Variants in CEP295NL observed in about 807,000 individuals in gnomAD.
CEP295NL encodes the protein protein DDC8 homolog.
In CEP295NL, 3 loss-of-function variants were observed where a neutral mutation model predicts 4.6. The ratio of observed to expected loss-of-function variants is 0.65; its 90% CI spans 0.30 to 1.69. The LOEUF is 1.69. Among genes scored for constraint, CEP295NL ranks in the 40% most tolerant of loss-of-function variants. The pLI, the probability that CEP295NL is intolerant of heterozygous loss-of-function variation, is 0.10. For missense variants in CEP295NL, 719 were observed against 769.0 expected (o/e 0.93, Z 0.77); for synonymous variants, 295 against 312.2 (o/e 0.94, Z 0.58).
chr17:78,895,231 A>G (rs1290214696), intron 2 of CEP295NL, among the ~76,000 whole-genome samples: 1 of 152,222 alleles, frequency 6.6e-6, no homozygotes, highest in Non-Finnish European at 1.5e-5. Context: ...CAATGAGCTG[A>G]GATTGCACCA....
intron 2 of CEP295NL, chr17:78,900,956 A>G (rs4789866): frequency 0.95 from 145,466 of 152,380 alleles, 69,447 homozygotes; most frequent in South Asian, 0.97. Context: ...CAGCCCAGCC[A>G]GCCCGACCTC....
rs182013235 is a variant in CEP295NL, at chr17:78,893,037, G to A, written c.45-578C>T. Among the ~76,000 whole-genome samples the A allele has an allele frequency of 7.6e-4, 116 of 152,326 alleles. No individual in the cohort carries two copies. The East Asian group carries it at 9.8e-3, about 13-fold the overall frequency. On this transcript the variant is annotated intron_variant, in intron 2 of 2. Transcript: ENST00000322630. ...AAGGAAAGGAGGAAGAGACGGGGCA[G>A]GGAGGAGCCTGCCAAGCATGTGTGT... is the stretch of plus-strand genomic sequence containing the variant.
chr17:78,894,197 C>A (rs548555310), intron 2 of CEP295NL, among the ~76,000 whole-genome samples: 13 of 151,886 alleles, frequency 8.6e-5, no homozygotes, highest in African/African-American at 1.9e-4. Flanking sequence ...GCTCCTACCC[C>A]CCCCGGTTCA....
intron 2 of CEP295NL, among the ~76,000 whole-genome samples, chr17:78,893,170 C>T (rs2069931665): frequency 8.2e-6 from 1 of 122,244 alleles, no homozygotes; most frequent in Non-Finnish European, 1.7e-5. Flanking sequence ...GGTGTGTGTG[C>T]ATACATGTGT....
chr17:78,902,484 GC>G (rs1403136171), intron 1 of CEP295NL, among the ~76,000 whole-genome samples: 1 of 152,168 alleles, frequency 6.6e-6, no homozygotes, highest in Non-Finnish European at 1.5e-5. Context: ...TCCTGGCTAG[GC>G]CCACAGCAGG....
rs1014355502 is a variant in CEP295NL, at chr17:78,896,433, A to G, written c.45-3974T>C. Among the ~76,000 whole-genome samples, 1 of 152,156 alleles carries G rather than the reference A, an allele frequency of 6.6e-6. No homozygotes were observed. Among genetic ancestry groups the G allele is most frequent in the Non-Finnish European group, 1.5e-5 (1 of 68,014 alleles). ...GGTGCCCTTGGCAGGACACTTGCCA[A>G]TGAAGACAGCCATGGTTCCAATCAG... is the stretch of plus-strand genomic sequence containing the variant. On this transcript the variant is annotated intron_variant, in intron 2 of 2. Coordinates refer to ENST00000322630, the MANE Select transcript of CEP295NL (RefSeq NM_001243540.2). This position sits in a 1 kb window ranked among gnomAD's most constrained non-coding sequence, Gnocchi z 4.4.
intron 2 of CEP295NL, chr17:78,898,612 C>T (rs1203507999): frequency 6.6e-6 from 1 of 152,268 alleles, no homozygotes; most frequent in African/African-American, 2.4e-5. Context: ...TCTTTCTGCT[C>T]AAGTACTTGA....
chr17:78,895,138 G>T (rs542430847), intron 2 of CEP295NL, among the ~76,000 whole-genome samples: 2 of 152,034 alleles, frequency 1.3e-5, no homozygotes, highest in African/African-American at 4.8e-5. Context: ...AAAATTAGCC[G>T]GGTGTGGTGG....
chr17:78,894,469 G>A (rs577146793), intron 2 of CEP295NL, among the ~76,000 whole-genome samples: 93 of 152,284 alleles, frequency 6.1e-4, no homozygotes, highest in African/African-American at 2.0e-3. Flanking sequence ...GATCAAGAGA[G>A]AAAGGGAGAG....
At chr17:78,893,648 C>T (rs1345445492) in intron 2 of CEP295NL, among the ~76,000 whole-genome samples, 1 of 151,650 alleles carries the variant, frequency 6.6e-6, no homozygotes, top group Non-Finnish European at 1.5e-5. Context: ...TGTATGTGTC[C>T]GTGTGGGGCA....
At chr17:78,897,070 G>T in intron 2 of CEP295NL, 1 of 890,654 alleles carries the variant, frequency 1.1e-6, no homozygotes, top group Non-Finnish European at 1.3e-6. Context: ...CAGGCAGCGT[G>T]GAAGTGCCAG....
At chr17:78,893,694 TG>T (rs1172560210) in intron 2 of CEP295NL, among the ~76,000 whole-genome samples, 1 of 152,026 alleles carries the variant, frequency 6.6e-6, no homozygotes, top group Non-Finnish European at 1.5e-5. Flanking sequence ...GTCTGATACT[TG>T]AATCCAGTAG....
At chr17:78,899,822 G>C (rs954316012) in intron 2 of CEP295NL, 1 of 152,202 alleles carries the variant, frequency 6.6e-6, no homozygotes, top group African/African-American at 2.4e-5. Flanking sequence ...AACCCTCCAA[G>C]GGAACAAAGA....
chr17:78,890,937 T>C lies in CEP295NL; in HGVS notation c.1567A>G (p.Met523Val). The C allele has an allele frequency of 1.3e-6, 2 of 1,551,030 alleles. No homozygotes were observed. The change falls in exon 3 of 3, where the codon ATG becomes GTG. Residue 523 changes from methionine (M) to valine (V), a missense_variant. Physicochemically the swap from Met to Val is conservative, Grantham distance 21. Transcript: ENST00000322630. The stretch of plus-strand genomic sequence containing the variant: ...TCCAAGCTCATATCTGGGTGTTCCA[T>C]TTGTTCAAGCGATTCCAGTTGTTTT... ...RQKQLESLEQMEHPDMSLEIH... is the reference protein window; with the variant it reads ...RQKQLESLEQVEHPDMSLEIH...
rs1370015098 is a variant in CEP295NL, at chr17:78,901,836, A to C, written c.-8T>G. On this transcript the variant is annotated 5_prime_UTR_variant, in exon 2 of 3. Transcript: ENST00000322630. The stretch of plus-strand genomic sequence containing the variant: ...AGACCACCCAGAACACATTACAGGG[A>C]GGCAGAAGCTGACAGGAGGGCAGGA... 1 of 709,492 alleles carries C rather than the reference A, an allele frequency of 1.4e-6. No homozygotes were observed. The highest frequency in any genetic ancestry group is 2.6e-6 in the Non-Finnish European group (1 of 380,300). The allele number at this position is 709,492 out of a possible 1,614,324, so 43.9% of individuals were successfully genotyped here. A position where few individuals can be genotyped will look rare whatever the true frequency, so the allele number is the denominator to read the frequency against.
At position 78,891,200 on chromosome 17, in the gene CEP295NL, T is replaced by C. The variant is rs756766252; in HGVS notation, c.1304A>G (p.Tyr435Cys). 1.9e-6 allele frequency: 3 copies of C among 1,550,678 alleles called. No individual in the cohort carries two copies. Among genetic ancestry groups the C allele is most frequent in the South Asian group, 2.4e-5 (2 of 84,064 alleles). ...AAACGTGGGCTTGACCGTGCCCTGA[T>C]ATTTTTGGTTCTGGGCCTTGCCCAT... Reference protein sequence around the residue: ...TFMGKAQNQKYQGTVKPTFRN... With the variant: ...TFMGKAQNQKCQGTVKPTFRN... The change falls in exon 3 of 3, where the codon TAT (tyrosine) becomes TGT (cysteine). Residue 435 changes from tyrosine (Y) to cysteine (C), a missense_variant. Tyr to Cys is a radical substitution (Grantham distance 194). Transcript: ENST00000322630. This position sits in a 1 kb window ranked among gnomAD's most constrained non-coding sequence, Gnocchi z 4.5.
At position 78,890,877 on chromosome 17, in the gene CEP295NL, T is replaced by C; in HGVS notation, c.1627A>G (p.Arg543Gly). 6.4e-7 allele frequency: 1 copy of C among 1,550,654 alleles called. No homozygotes were observed. The highest frequency in any genetic ancestry group is 8.7e-7 in the Non-Finnish European group (1 of 1,147,016). ...HYKAELEKERREQRRARLAHL... is the reference protein window; with the variant it reads ...HYKAELEKERGEQRRARLAHL... ...GCCAGTCGAGCTCTTCTTTGCTCCCTCCTCTCTTTTTCTAGCTCAGCTTTG... is the reference window on the plus strand; with the variant it reads ...GCCAGTCGAGCTCTTCTTTGCTCCCCCCTCTCTTTTTCTAGCTCAGCTTTG... Residue 543 changes from arginine (R) to glycine (G), a missense_variant, in exon 3 of 3, where the codon AGG becomes GGG. Transcript: ENST00000322630.
chr17:78,898,380 G>A (rs928259895), intron 2 of CEP295NL: 1 of 152,268 alleles, frequency 6.6e-6, no homozygotes, highest in Non-Finnish European at 1.5e-5. Flanking sequence ...GCCCAGGGAG[G>A]TCAGAGCTGG....
chr17:78,899,517 G>C (rs1014174639), intron 2 of CEP295NL: 2 of 152,248 alleles, frequency 1.3e-5, no homozygotes, highest in African/African-American at 4.8e-5. Context: ...CCTGCGGGAG[G>C]GGCCCAGGAA....
Sources: gnomAD v4.1 joint callset for allele counts (sites outside exome capture counted in the v4.1 genomes callset) on GRCh38, gnomAD v4.1.1 for gene constraint, Gnocchi (gnomAD v3.1) non-coding constraint, MANE v1.5 for transcripts, NCBI Gene and HGNC (gene_info 2026-07-23, HGNC 2026-07-21) for gene names.